Variants in TAOK3 observed in about 807,000 individuals in gnomAD.
TAOK3 encodes serine/threonine-protein kinase TAO3.
A neutral mutation model predicts 120.4 loss-of-function variants in TAOK3; 40 were observed. That is an observed-to-expected ratio of 0.33 (90% CI 0.26 to 0.43). TAOK3 has a LOEUF of 0.43. TAOK3 is among the 20% of genes least tolerant of loss of function. The probability of loss-of-function intolerance (pLI) is 1.00; values close to 1 mark genes in which losing one functional copy is unlikely to be tolerated. For missense variants in TAOK3, 821 were observed against 1,112.1 expected (o/e 0.74, Z 3.72); for synonymous variants, 355 against 387.5 (o/e 0.92, Z 0.99).
intron 1 of TAOK3, among the ~76,000 whole-genome samples, chr12:118,314,355 G>A (rs915907491): frequency 6.6e-6 from 1 of 152,040 alleles, no homozygotes; most frequent in African/African-American, 2.4e-5. Context: ...AAATACTATT[G>A]AGATACAACT....
intron 19 of TAOK3, chr12:118,159,877 T>C (rs2035103285): frequency 4.0e-6 from 2 of 502,070 alleles, no homozygotes; most frequent in Non-Finnish European, 7.2e-6. Flanking sequence ...GTATCATATG[T>C]GGTATCTATC....
At chr12:118,268,321 ATT>A (rs1375944255) in intron 1 of TAOK3, among the ~76,000 whole-genome samples, 1 of 152,242 alleles carries the variant, frequency 6.6e-6, no homozygotes, top group Admixed American at 6.5e-5. Context: ...GAATATAACA[ATT>A]TAAAACCTAC....
chr12:118,270,815 C>A (rs2041668236), intron 1 of TAOK3, among the ~76,000 whole-genome samples: 1 of 151,960 alleles, frequency 6.6e-6, no homozygotes, highest in Admixed American at 6.6e-5. Flanking sequence ...GCTGGGACTA[C>A]AGGCGCCCGC....
intron 1 of TAOK3, among the ~76,000 whole-genome samples, chr12:118,271,694 G>A (rs1044825955): frequency 1.3e-5 from 2 of 152,128 alleles, no homozygotes; most frequent in African/African-American, 4.8e-5. Flanking sequence ...GCCTATGAGT[G>A]GAAATGCTGG....
intron 1 of TAOK3, among the ~76,000 whole-genome samples, chr12:118,357,354 C>CAA (rs1390219272): frequency 6.6e-6 from 1 of 152,176 alleles, no homozygotes; most frequent in Non-Finnish European, 1.5e-5. Flanking sequence ...AACTGGAAAA[C>CAA]AAAGCAGCTG....
At chr12:118,197,682 CT>C (rs67635506) in intron 13 of TAOK3, among the ~76,000 whole-genome samples, 3,664 of 90,724 alleles carry the variant, frequency 0.04, 21 homozygotes, top group South Asian at 0.07. Flanking sequence ...GCAAAACCTT[CT>C]TTTTTTTTTT....
chr12:118,221,062 C>T lies in TAOK3; in HGVS notation c.644-6952G>A, dbSNP rs377563476. 2.4e-3 allele frequency among the ~76,000 whole-genome samples: 367 copies of T among 152,330 alleles called. 1 individual carries two copies. The Middle Eastern group carries it at 0.027, about 11-fold the overall frequency. On this transcript the variant is annotated intron_variant, in intron 9 of 20. Coordinates refer to ENST00000392533, the MANE Select transcript of TAOK3 (RefSeq NM_016281.4). ...TAAGTTTATTGGAACACAGCCATGC[C>T]TGTACATTAATGTATTGTCTATGAC...
intron 9 of TAOK3, among the ~76,000 whole-genome samples, chr12:118,228,121 C>A (rs2039594577): frequency 6.6e-6 from 1 of 150,422 alleles, no homozygotes; most frequent in Non-Finnish European, 1.5e-5. Context: ...ATCTTTACAA[C>A]TGTATTCTTA....
intron 1 of TAOK3, among the ~76,000 whole-genome samples, chr12:118,369,936 G>T (rs536237077): frequency 6.6e-6 from 1 of 152,008 alleles, no homozygotes; most frequent in Non-Finnish European, 1.5e-5. Context: ...GTGCAGTGGC[G>T]CGATCTTGGC....
intron 13 of TAOK3, chr12:118,190,477 G>A (rs1462440788): frequency 6.5e-6 from 1 of 152,686 alleles, no homozygotes; most frequent in Non-Finnish European, 1.5e-5. Flanking sequence ...ATCTTGTGCT[G>A]GGAAGATTCG....
intron 1 of TAOK3, among the ~76,000 whole-genome samples, chr12:118,296,462 T>C (rs1310473637): frequency 6.6e-6 from 1 of 152,206 alleles, no homozygotes; most frequent in Non-Finnish European, 1.5e-5. Context: ...CAGAGCAATA[T>C]GAACACAACT....
chr12:118,221,863 T>C (rs1241477462), intron 9 of TAOK3, among the ~76,000 whole-genome samples: 2 of 151,266 alleles, frequency 1.3e-5, no homozygotes, highest in Non-Finnish European at 2.9e-5. Flanking sequence ...CTTGATCTCC[T>C]GACCTCATGA....
chr12:118,277,593 TGGGAGTACA>T (rs1199418916), intron 1 of TAOK3, among the ~76,000 whole-genome samples: 1 of 152,030 alleles, frequency 6.6e-6, no homozygotes, highest in African/African-American at 2.4e-5. Context: ...CCCGAGTAGC[TGGGAGTACA>T]GGCGCGCACC....
At chr12:118,329,891 A>T (rs1380418587) in intron 1 of TAOK3, among the ~76,000 whole-genome samples, 1 of 152,210 alleles carries the variant, frequency 6.6e-6, no homozygotes, top group African/African-American at 2.4e-5. Flanking sequence ...GTATAACCAA[A>T]AACATAAGGT....
rs1288450185 is a variant in TAOK3, at chr12:118,343,226, A to G, written c.-194+29422T>C. On this transcript the variant is annotated intron_variant, in intron 1 of 20. Transcript: ENST00000392533. ...GCAGATCACCAGAGGTCAGGAGTTC[A>G]AGACCAGCCTGGCCAACATGGTGAA... Among the ~76,000 whole-genome samples the G allele has an allele frequency of 2.0e-5, 3 of 151,768 alleles. No individual in the cohort carries two copies. The East Asian group carries it at 5.9e-4, about 30-fold the overall frequency.
intron 3 of TAOK3, among the ~76,000 whole-genome samples, chr12:118,248,275 T>C (rs2040604960): frequency 6.6e-6 from 1 of 151,770 alleles, no homozygotes; most frequent in South Asian, 2.1e-4. Context: ...AAAGTACCTA[T>C]TATATATTAA....
At chr12:118,275,408 A>C (rs2041869643) in intron 1 of TAOK3, among the ~76,000 whole-genome samples, 1 of 152,212 alleles carries the variant, frequency 6.6e-6, no homozygotes, top group Admixed American at 6.6e-5. Flanking sequence ...TGCTGGGATT[A>C]CAGGCATGAG....
chr12:118,184,107 C>A (rs535341775), intron 14 of TAOK3, among the ~76,000 whole-genome samples: 1 of 152,294 alleles, frequency 6.6e-6, no homozygotes, highest in East Asian at 1.9e-4. Context: ...TATCATTGTA[C>A]ACCACTGAAT....
At chr12:118,152,138 C>T (rs1436298814) in intron 20 of TAOK3, 89 bp downstream of exon 20, 23 of 1,282,722 alleles carry the variant, frequency 1.8e-5, no homozygotes, top group Middle Eastern at 4.9e-4. Flanking sequence ...AGTTTAATCT[C>T]TAACTAAGGA....
Sources: gnomAD v4.1 joint callset for allele counts (sites outside exome capture counted in the v4.1 genomes callset) on GRCh38, gnomAD v4.1.1 for gene constraint, MANE v1.5 for transcripts, NCBI Gene and HGNC (gene_info 2026-07-23, HGNC 2026-07-21) for gene names.